SEPHS1: variants seen among roughly 807,000 people sequenced by gnomAD.
SEPHS1 encodes selenophosphate synthetase 1, also known as zincore component SEPHS1.
Under a neutral mutation model 39.2 loss-of-function variants are expected in SEPHS1, and 7 were observed. That is an observed-to-expected ratio of 0.18 (90% CI 0.10 to 0.34). SEPHS1 has a LOEUF of 0.34. SEPHS1 is among the 10% of genes least tolerant of loss of function. The probability of loss-of-function intolerance (pLI) is 1.00; values close to 1 mark genes in which losing one functional copy is unlikely to be tolerated. For missense variants in SEPHS1, 253 were observed against 514.5 expected, an observed-to-expected ratio of 0.49 and a Z score of 4.92; for synonymous variants, 190 against 195.5, an observed-to-expected ratio of 0.97 and a Z score of 0.23.
intron 5 of SEPHS1, among the ~76,000 whole-genome samples, chr10:13,332,042 A>C (rs1382884483): frequency 6.6e-6 from 1 of 152,222 alleles, no homozygotes. Flanking sequence ...TTAGGTATAC[A>C]CCCAAGAGAC....
intron 1 of SEPHS1, among the ~76,000 whole-genome samples, chr10:13,345,694 T>C (rs1360014224): frequency 6.6e-6 from 1 of 152,024 alleles, no homozygotes; most frequent in East Asian, 1.9e-4. Context: ...CTGGCCAACA[T>C]GGCGAAACCC....
At chr10:13,325,959 A>ATAATAAT (rs1251838920) in intron 7 of SEPHS1, among the ~76,000 whole-genome samples, 2 of 108,010 alleles carry the variant, frequency 1.9e-5, no homozygotes, top group Non-Finnish European at 1.8e-5. Context: ...AAAAAAAAAA[A>ATAATAAT]AAAAATAATA....
rs745416609 is a variant in SEPHS1 at position 13,323,039 on chromosome 10, G to C, written c.760C>G (p.Leu254Val). ...GCGTGGGCATTGAACGTGTGCATGA[G>C]TCCTGCAGCTGGGAGAGAGAGGGGG... is the stretch of plus-strand genomic sequence containing the variant. ...MARLNRTAAG[L>V]MHTFNAHAAT... The change falls in exon 8 of 9, where the codon CTC becomes GTC. Residue 254 changes from leucine (L) to valine (V), a missense_variant. Physicochemically the swap from Leu to Val is conservative, Grantham distance 32. Coordinates refer to ENST00000327347, the MANE Select transcript of SEPHS1 (RefSeq NM_012247.5). 6.2e-7 allele frequency: 1 copy of C among 1,614,052 alleles called. No homozygotes were observed. The highest frequency in any genetic ancestry group is 1.1e-5 in the South Asian group (1 of 91,070).
chr10:13,347,326 C>G (rs555725448), intron 1 of SEPHS1: 2 of 151,996 alleles, frequency 1.3e-5, no homozygotes, highest in East Asian at 3.9e-4. Context: ...ACGCCCGCGT[C>G]GGAGGCGGCC....
At chr10:13,329,849 T>C in intron 5 of SEPHS1, 61 bp from the exon 6 acceptor site, 7 of 1,314,264 alleles carry the variant, frequency 5.3e-6, no homozygotes, top group Non-Finnish European at 7.5e-6. Context: ...CTCATTGTTA[T>C]TAACACAAGA....
intron 7 of SEPHS1, among the ~76,000 whole-genome samples, chr10:13,327,128 C>T (rs1018516345): frequency 2.3e-4 from 35 of 150,862 alleles, no homozygotes; most frequent in Admixed American, 2.1e-3. Context: ...GTAGTCCCAG[C>T]TACTGGGAAG....
At chr10:13,345,169 T>G in intron 1 of SEPHS1, 141 bp from the exon 2 acceptor site, 1 of 400,036 alleles carries the variant, frequency 2.5e-6, no homozygotes, top group Non-Finnish European at 4.4e-6. Context: ...ACCACAGCAG[T>G]GCATATGACA....
At chr10:13,342,584 T>TCAA (rs1192297364) in intron 2 of SEPHS1, among the ~76,000 whole-genome samples, 1 of 151,936 alleles carries the variant, frequency 6.6e-6, no homozygotes, top group Non-Finnish European at 1.5e-5. Context: ...AGACTTCATC[T>TCAA]CAACAACAAC....
chr10:13,321,960 G>A (rs1339654479), intron 8 of SEPHS1: 11 of 418,682 alleles, frequency 2.6e-5, no homozygotes, highest in African/African-American at 1.3e-4. Flanking sequence ...CTACTGGGGC[G>A]TATGGTGTCA....
intron 4 of SEPHS1, 136 bp downstream of exon 4, chr10:13,336,107 T>C: frequency 1.8e-6 from 1 of 547,008 alleles, no homozygotes; most frequent in Non-Finnish European, 3.3e-6. Context: ...TGCCAAAAAG[T>C]GGAGAGCCAG....
At chr10:13,338,834 C>A in intron 2 of SEPHS1, 26 bp from the exon 3 acceptor site, 3 of 1,542,792 alleles carry the variant, frequency 1.9e-6, no homozygotes. Flanking sequence ...TCATTAGCAT[C>A]CAAAAATAAA....
intron 2 of SEPHS1, chr10:13,340,826 C>T (rs1201538540): frequency 6.6e-6 from 1 of 152,232 alleles, no homozygotes; most frequent in Non-Finnish European, 1.5e-5. Context: ...TGTGCCACCA[C>T]AGTCTACTAG....
chr10:13,334,067 A>C, intron 4 of SEPHS1, 96 bp from the exon 5 acceptor site: 1 of 1,151,178 alleles, frequency 8.7e-7, no homozygotes, highest in Non-Finnish European at 1.2e-6. Flanking sequence ...AAGAACCATA[A>C]AATCCTAAAG....
chr10:13,332,894 C>T (rs763835939), intron 5 of SEPHS1, among the ~76,000 whole-genome samples: 6 of 151,568 alleles, frequency 4.0e-5, no homozygotes, highest in Non-Finnish European at 5.9e-5. Flanking sequence ...GATTAAAATA[C>T]TGACACATGC....
chr10:13,336,746 T>A (rs1437096930), intron 3 of SEPHS1, among the ~76,000 whole-genome samples: 7 of 151,994 alleles, frequency 4.6e-5, no homozygotes, highest in Admixed American at 4.6e-4. Context: ...TGCAAACAAC[T>A]CTCCTAAAGA....
At position 13,333,408 on chromosome 10, in the gene SEPHS1, C is replaced by T. The variant is rs559822231; in HGVS notation, c.560+409G>A. ...TTGGCCTCCAAAAGCGCTGGGATTA[C>T]AGGCATGAGCAACCGCGCCCAGCCT... On this transcript the variant is annotated intron_variant, in intron 5 of 8. Transcript: ENST00000327347. 2.9e-4 allele frequency among the ~76,000 whole-genome samples: 44 copies of T among 150,652 alleles called. 1 individual carries two copies. In the South Asian group the frequency reaches 6.7e-3, roughly 23 times the overall value.
At chr10:13,331,951 C>T (rs1025296768) in intron 5 of SEPHS1, among the ~76,000 whole-genome samples, 9 of 152,198 alleles carry the variant, frequency 5.9e-5, no homozygotes, top group Non-Finnish European at 1.2e-4. Context: ...CTGCTGGGAA[C>T]GTAAAATGGC....
chr10:13,336,233 T>A lies in SEPHS1; in HGVS notation c.405+10A>T. On this transcript the variant is annotated intron_variant, in intron 4 of 8. Coordinates refer to ENST00000327347, the MANE Select transcript of SEPHS1 (RefSeq NM_012247.5). ...ACGGACCAGGCAGCAGCCGGGTAGC[T>A]CCTACTTACCCTGTCGGTCATTTTA... 6.3e-7 allele frequency: 1 copy of A among 1,590,182 alleles called. No individual in the cohort carries two copies. The highest frequency in any genetic ancestry group is 8.6e-7 in the Non-Finnish European group (1 of 1,159,116).
intron 1 of SEPHS1, chr10:13,345,436 C>A (rs1301799134): frequency 1.3e-5 from 2 of 152,988 alleles, no homozygotes; most frequent in East Asian, 3.8e-4. Flanking sequence ...TCCGCAAAAT[C>A]TTTTGATATC....
Sources: gnomAD v4.1 joint callset for allele counts (sites outside exome capture counted in the v4.1 genomes callset) on GRCh38, gnomAD v4.1.1 for gene constraint, MANE v1.5 for transcripts, NCBI Gene and HGNC (gene_info 2026-07-23, HGNC 2026-07-21) for gene names.